Variants in MYO3B observed in about 807,000 individuals in gnomAD.
The protein encoded by MYO3B is myosin-IIIb.
MYO3B carries 156 observed loss-of-function variants against 174.6 expected under a neutral mutation model. That is an observed-to-expected ratio of 0.89 (90% CI 0.78 to 1.02). The LOEUF (loss-of-function observed/expected upper bound fraction) is 1.02. MYO3B is among the 50% of genes least tolerant of loss of function. The probability of loss-of-function intolerance (pLI) is 0.00; values close to 1 mark genes in which losing one functional copy is unlikely to be tolerated. For missense variants in MYO3B, 1,632 were observed against 1,639.4 expected, an observed-to-expected ratio of 1.00 and a Z score of 0.08; for synonymous variants, 563 against 569.1, an observed-to-expected ratio of 0.99 and a Z score of 0.15.
At chr2:170,488,005 G>A (rs1349455382) in intron 25 of MYO3B, among the ~76,000 whole-genome samples, 1 of 152,086 alleles carries the variant, frequency 6.6e-6, no homozygotes, top group African/African-American at 2.4e-5. Flanking sequence ...GAAAACAAAA[G>A]GAAAAATCCA....
chr2:170,246,268 A>G (rs1180142975), intron 7 of MYO3B, among the ~76,000 whole-genome samples: 1 of 152,180 alleles, frequency 6.6e-6, no homozygotes, highest in African/African-American at 2.4e-5. Context: ...GATGATATCA[A>G]TGGAAGTGTG....
chr2:170,440,674 A>G (rs1029537149), intron 22 of MYO3B, among the ~76,000 whole-genome samples: 2 of 149,832 alleles, frequency 1.3e-5, no homozygotes, highest in African/African-American at 2.5e-5. Context: ...AATCACTTGA[A>G]TCTGGGAGGT....
intron 7 of MYO3B, among the ~76,000 whole-genome samples, chr2:170,321,188 T>A (rs1269756995): frequency 6.6e-6 from 1 of 152,172 alleles, no homozygotes; most frequent in Non-Finnish European, 1.5e-5. Context: ...TTCATAGCCC[T>A]GAATACCTAT....
intron 7 of MYO3B, among the ~76,000 whole-genome samples, chr2:170,269,065 G>A (rs1312490215): frequency 1.3e-5 from 2 of 152,210 alleles, no homozygotes; most frequent in South Asian, 2.1e-4. Flanking sequence ...CCGAGTGACG[G>A]TAAGATGCCA....
At chr2:170,516,614 G>A (rs1283885222) in intron 29 of MYO3B, among the ~76,000 whole-genome samples, 2 of 146,948 alleles carry the variant, frequency 1.4e-5, no homozygotes, top group East Asian at 4.0e-4. Flanking sequence ...CTGAACTACA[G>A]CCTGGGCAAC....
chr2:170,645,237 A>G (rs1432322014), intron 32 of MYO3B, among the ~76,000 whole-genome samples: 8 of 152,078 alleles, frequency 5.3e-5, no homozygotes, highest in Admixed American at 5.2e-4. Context: ...TTAGGAAGCC[A>G]AGGCAGGTGG....
At chr2:170,631,507 C>T (rs866235436) in intron 32 of MYO3B, among the ~76,000 whole-genome samples, 19 of 151,980 alleles carry the variant, frequency 1.3e-4, no homozygotes, top group Admixed American at 7.9e-4. Flanking sequence ...CTTCCCCAAC[C>T]TAGCAAGGCA....
intron 9 of MYO3B, among the ~76,000 whole-genome samples, chr2:170,370,752 G>C (rs549903805): frequency 6.6e-6 from 1 of 151,342 alleles, no homozygotes. Flanking sequence ...ACATCTAAAG[G>C]GTATGAGTCA....
chr2:170,426,918 C>T (rs546650758), intron 22 of MYO3B, among the ~76,000 whole-genome samples: 107 of 152,038 alleles, frequency 7.0e-4, no homozygotes, highest in Admixed American at 1.2e-3. Flanking sequence ...ACTTGGGAGA[C>T]TGAAGCAGGA....
chr2:170,188,507 G>C (rs958425876), intron 1 of MYO3B, among the ~76,000 whole-genome samples: 11 of 151,844 alleles, frequency 7.2e-5, no homozygotes, highest in Non-Finnish European at 1.2e-4. Context: ...TTTGTCATTT[G>C]TTATATTTTC....
At chr2:170,397,213 G>A (rs1357321612) in intron 16 of MYO3B, among the ~76,000 whole-genome samples, 1 of 152,158 alleles carries the variant, frequency 6.6e-6, no homozygotes, top group Non-Finnish European at 1.5e-5. Context: ...TAGAAGCCTC[G>A]TTTAAAATCT....
intron 8 of MYO3B, among the ~76,000 whole-genome samples, chr2:170,366,794 G>A (rs1229427809): frequency 1.3e-5 from 2 of 152,104 alleles, no homozygotes; most frequent in African/African-American, 4.8e-5. Context: ...GACCGTGTTG[G>A]AAGCCTTGCT....
rs868064579 is a variant in MYO3B at position 170,305,005 on chromosome 2, T to G, written c.750-30380T>G. Among the ~76,000 whole-genome samples the G allele has an allele frequency of 1.3e-4, 20 of 152,160 alleles. No individual in the cohort carries two copies. The Middle Eastern group carries it at 0.014, about 104-fold the overall frequency. On this transcript the variant is annotated intron_variant, in intron 7 of 34. Transcript: ENST00000408978. ...ATTTCATGCTTATGAATCTCTTTTCTGTCTCAAGATTTTAAAAGTATGCCT... is the reference window on the plus strand; with the variant it reads ...ATTTCATGCTTATGAATCTCTTTTCGGTCTCAAGATTTTAAAAGTATGCCT...
chr2:170,188,846 A>G (rs2092504095), intron 1 of MYO3B, among the ~76,000 whole-genome samples: 1 of 152,058 alleles, frequency 6.6e-6, no homozygotes, highest in Non-Finnish European at 1.5e-5. Context: ...ACTTTTGATC[A>G]GTTCATCTTT....
intron 28 of MYO3B, among the ~76,000 whole-genome samples, chr2:170,504,866 A>C (rs4668269): frequency 6.6e-6 from 1 of 152,132 alleles, no homozygotes; most frequent in Non-Finnish European, 1.5e-5. Context: ...GGTTTCAGTG[A>C]TTCTGACAGC....
At chr2:170,399,753 G>T (rs1476382185) in intron 16 of MYO3B, among the ~76,000 whole-genome samples, 1 of 152,154 alleles carries the variant, frequency 6.6e-6, no homozygotes. Flanking sequence ...ATTAGTTAGG[G>T]TAAAAGGCTG....
At chr2:170,410,736 G>T (rs897684681) in intron 22 of MYO3B, among the ~76,000 whole-genome samples, 7 of 152,122 alleles carry the variant, frequency 4.6e-5, no homozygotes, top group African/African-American at 1.7e-4. Flanking sequence ...CAGTGGTCTG[G>T]CTCCTGATCT....
chr2:170,546,814 C>A (rs1575145710), intron 32 of MYO3B, among the ~76,000 whole-genome samples: 1 of 152,232 alleles, frequency 6.6e-6, no homozygotes, highest in East Asian at 1.9e-4. Context: ...AACATTGTGA[C>A]CTTTTCAGTT....
intron 32 of MYO3B, among the ~76,000 whole-genome samples, chr2:170,597,771 C>T (rs1694248052): frequency 6.6e-6 from 1 of 152,128 alleles, no homozygotes; most frequent in Non-Finnish European, 1.5e-5. Context: ...TTATTAGTGC[C>T]TCTGTTGCCA....
Sources: gnomAD v4.1 joint callset for allele counts (sites outside exome capture counted in the v4.1 genomes callset) on GRCh38, gnomAD v4.1.1 for gene constraint, MANE v1.5 for transcripts, NCBI Gene and HGNC (gene_info 2026-07-23, HGNC 2026-07-21) for gene names.